APC: variants seen among roughly 807,000 people sequenced by gnomAD.
The protein encoded by APC is APC regulator of Wnt signaling pathway, also known as adenomatous polyposis coli protein.
A neutral mutation model predicts 247.0 loss-of-function variants in APC; 72 were observed. That is an observed-to-expected ratio of 0.29 (90% CI 0.24 to 0.35). The LOEUF (loss-of-function observed/expected upper bound fraction) is 0.35. Ranked by LOEUF, APC falls within the 10% of genes least tolerant of loss-of-function variation. The pLI, the probability that APC is intolerant of heterozygous loss-of-function variation, is 1.00. For synonymous variants in APC, 1,254 were observed against 1,162.5 expected (o/e 1.08, Z -1.60); for missense variants, 3,400 against 3,360.7 (o/e 1.01, Z -0.29).
intron 6 of APC, among the ~76,000 whole-genome samples, chr5:112,782,478 CCATA>C (rs1325514740): frequency 6.6e-6 from 1 of 152,082 alleles, no homozygotes. Flanking sequence ...ATTTCATAGT[CCATA>C]CATGTTAGTT....
chr5:112,840,972 C>T lies in APC; in HGVS notation c.5378C>T (p.Ala1793Val), dbSNP rs764203580. 1 of 1,612,656 alleles carries T rather than the reference C, an allele frequency of 6.2e-7. No homozygotes were observed. The change falls in exon 16 of 16, where the codon GCA becomes GTA. Residue 1793 changes from alanine to valine, a missense_variant. Ala to Val is a moderately conservative substitution (Grantham distance 64). Transcript: ENST00000257430. This position sits in a 1 kb window ranked among gnomAD's most constrained non-coding sequence, Gnocchi z 4.1. ...TEYRTRVRKN[A>V]DSKNNLNAER... ...TATAGGACACGTGTAAGAAAAAATG[C>T]AGACTCAAAAAATAATTTAAATGCT...
chr5:112,717,885 C>CTTTTCT (rs1561401626), intron 1 of APC, among the ~76,000 whole-genome samples: 8 of 39,974 alleles, frequency 2.0e-4, no homozygotes, highest in Admixed American at 2.9e-4. Context: ...TCTCTTACCT[C>CTTTTCT]TTTTCTTTTT....
intron 1 of APC, among the ~76,000 whole-genome samples, chr5:112,720,678 G>A (rs1446020566): frequency 6.6e-6 from 1 of 152,204 alleles, no homozygotes; most frequent in Non-Finnish European, 1.5e-5. Flanking sequence ...TTACAGATTT[G>A]AGGAGACAAA....
intron 1 of APC, 117 bp downstream of exon 1, chr5:112,738,042 C>G: frequency 1.5e-6 from 1 of 678,606 alleles, no homozygotes; most frequent in Non-Finnish European, 1.8e-6. Flanking sequence ...CTGCAGCATG[C>G]CAAACGAGGA....
rs1391247602 is a variant in APC at position 112,839,342 on chromosome 5, A to G, written c.3748A>G (p.Lys1250Glu). The change falls in exon 16 of 16, where the codon AAA (lysine) becomes GAA (glutamate). Residue 1250 changes from lysine to glutamate, a missense_variant. By Grantham distance (56) the Lys-to-Glu change is moderately conservative. Transcript: ENST00000257430. This position sits in a 1 kb window ranked among gnomAD's most constrained non-coding sequence, Gnocchi z 5.0. ...TCAGCCTCAAAAGGCTGCCACTTGC[A>G]AAGTTTCTTCTATTAACCAAGAAAC... ...SGQPQKAATC[K>E]VSSINQETIQ... The G allele has an allele frequency of 1.2e-6, 2 of 1,613,186 alleles. No homozygotes were observed. Among genetic ancestry groups the G allele is most frequent in the East Asian group, 4.5e-5 (2 of 44,876 alleles).
At chr5:112,738,246 C>T (rs1371750047) in intron 1 of APC, 1 of 976,964 alleles carries the variant, frequency 1.0e-6, no homozygotes, top group African/African-American at 1.8e-5. Context: ...AGTGGAATAA[C>T]AGTATCTAAG....
chr5:112,757,804 T>A (rs1755157992), intron 2 of APC, among the ~76,000 whole-genome samples: 1 of 152,196 alleles, frequency 6.6e-6, no homozygotes, highest in Admixed American at 6.5e-5. Flanking sequence ...GGACACTGCT[T>A]TGCTATTTGA....
intron 10 of APC, among the ~76,000 whole-genome samples, chr5:112,820,799 C>A (rs1763039942): frequency 6.6e-6 from 1 of 152,160 alleles, no homozygotes; most frequent in African/African-American, 2.4e-5. Flanking sequence ...TATCTGTTTA[C>A]TGTCTAGTAT....
At chr5:112,708,527 A>G (rs916898724) in intron 1 of APC, among the ~76,000 whole-genome samples, 1 of 152,164 alleles carries the variant, frequency 6.6e-6, no homozygotes, top group Non-Finnish European at 1.5e-5. Context: ...AGCTTTCTAG[A>G]TCTAGTGAAA....
At chr5:112,761,495 G>A in intron 2 of APC, among the ~76,000 whole-genome samples, 1 of 152,070 alleles carries the variant, frequency 6.6e-6, no homozygotes, top group East Asian at 1.9e-4. Context: ...AATTAACATT[G>A]GATGGGCTTA....
At position 112,840,659 on chromosome 5, in the gene APC, A is replaced by G. The variant is rs748577894; in HGVS notation, c.5065A>G (p.Thr1689Ala). The stretch of plus-strand genomic sequence containing the variant: ...GTCAGGTGAATTTGAAAAACGAGAT[A>G]CCATTCCTACAGAAGGCAGAAGTAC... ...AQSGEFEKRD[T>A]IPTEGRSTDE... Residue 1689 changes from threonine (T) to alanine (A), a missense_variant, in exon 16 of 16, where the codon ACC (threonine) becomes GCC (alanine). Thr to Ala is a moderately conservative substitution (Grantham distance 58). Around this residue, in one of 9 missense-constraint regions of APC, gnomAD observed 1,788 missense variants for 1,649.5 expected, o/e 1.08. Coordinates refer to ENST00000257430, the MANE Select transcript of APC (RefSeq NM_000038.6). The surrounding 1 kb of genome is among the most constrained non-coding windows in gnomAD (Gnocchi z 4.1). The G allele has an allele frequency of 9.3e-6, 15 of 1,613,956 alleles. No individual in the cohort carries two copies. Among genetic ancestry groups the G allele is most frequent in the Non-Finnish European group, 1.2e-5 (14 of 1,179,880 alleles).
At chr5:112,797,255 C>T (rs1340351173) in intron 7 of APC, among the ~76,000 whole-genome samples, 1 of 151,266 alleles carries the variant, frequency 6.6e-6, no homozygotes, top group African/African-American at 2.4e-5. Context: ...AAGAACAAAA[C>T]CACTTTTTAC....
At chr5:112,777,017 T>C (rs978660971) in intron 5 of APC, among the ~76,000 whole-genome samples, 1 of 152,204 alleles carries the variant, frequency 6.6e-6, no homozygotes, top group Non-Finnish European at 1.5e-5. Flanking sequence ...TTGCAAACCA[T>C]TGCATTTATA....
At chr5:112,712,491 G>A (rs1349193168) in intron 1 of APC, among the ~76,000 whole-genome samples, 1 of 151,570 alleles carries the variant, frequency 6.6e-6, no homozygotes, top group Non-Finnish European at 1.5e-5. Flanking sequence ...GGCTCAAGCA[G>A]TCCTCCCATC....
chr5:112,844,237 A>ATTCT lies in APC; in HGVS notation c.*113_*116dup, dbSNP rs1766786374. 1 of 1,047,060 alleles carries ATTCT rather than the reference A, an allele frequency of 9.6e-7. No homozygotes were observed. Among genetic ancestry groups the ATTCT allele is most frequent in the East Asian group, 2.6e-5 (1 of 38,678 alleles). The allele number at this position is 1,047,060 out of a possible 1,614,324, so 64.9% of individuals were successfully genotyped here. On this transcript the variant is annotated 3_prime_UTR_variant, in exon 16 of 16. Transcript: ENST00000257430. ...CTGAAAAATTTTGTAAATAGGTTTG[A>ATTCT]TTCTTGTTAGAGGGTTTTTGTTCTG...
At chr5:112,817,964 G>T (rs998326634) in intron 9 of APC, among the ~76,000 whole-genome samples, 1 of 152,128 alleles carries the variant, frequency 6.6e-6, no homozygotes, top group Admixed American at 6.6e-5. Flanking sequence ...GTGTATTTAC[G>T]CATCTAAAGC....
intron 11 of APC, among the ~76,000 whole-genome samples, chr5:112,825,234 C>G (rs149000552): frequency 6.6e-6 from 1 of 152,302 alleles, no homozygotes; most frequent in Non-Finnish European, 1.5e-5. Flanking sequence ...TCACTCTTCT[C>G]TTCATCCCCA....
intron 5 of APC, among the ~76,000 whole-genome samples, chr5:112,779,443 CATTT>C (rs888395445): frequency 2.0e-5 from 3 of 152,146 alleles, no homozygotes; most frequent in African/African-American, 4.8e-5. Flanking sequence ...AAGTAGATCA[CATTT>C]ATTTAATATG....
chr5:112,718,821 T>G (rs993041265), intron 1 of APC, among the ~76,000 whole-genome samples: 3 of 152,258 alleles, frequency 2.0e-5, no homozygotes, highest in African/African-American at 7.2e-5. Flanking sequence ...TTTCTTTGAC[T>G]AACTTGTTCA....
Sources: allele counts gnomAD v4.1 joint callset (sites outside exome capture counted in the v4.1 genomes callset), GRCh38; gene constraint gnomAD v4.1.1; regional missense constraint gnomAD v4.1.1; non-coding constraint Gnocchi (gnomAD v3.1); transcripts MANE v1.5; gene names NCBI Gene and HGNC (gene_info 2026-07-23, HGNC 2026-07-21).